Variants in ZNF595 observed in about 807,000 individuals in gnomAD.
ZNF595 encodes the protein zinc finger protein 595.
ZNF595 carries 9 observed loss-of-function variants against 19.4 expected under a neutral mutation model. The ratio of observed to expected loss-of-function variants is 0.46; its 90% CI spans 0.28 to 0.81. ZNF595 has a LOEUF of 0.81. Ranked by LOEUF, ZNF595 falls within the 30% of genes least tolerant of loss-of-function variation. ZNF595 has a pLI of 0.11. For missense variants in ZNF595, 729 were observed against 736.0 expected (o/e 0.99, Z 0.11); for synonymous variants, 255 against 255.9 (o/e 1.00, Z 0.03).
chr4:86,066 ACT>A lies in ZNF595; in HGVS notation c.564_565del (p.Gln189ThrfsTer14), dbSNP rs1560094280. The A allele has an allele frequency of 6.2e-7, 1 of 1,613,054 alleles. No homozygotes were observed. The highest frequency in any genetic ancestry group is 1.7e-5 in the Admixed American group (1 of 59,796). On this transcript the variant is annotated frameshift_variant, in exon 4 of 4. Coordinates refer to ENST00000610261, the MANE Select transcript of ZNF595 (RefSeq NM_182524.4). LOFTEE classifies it low-confidence loss of function (END_TRUNC). ...CAGATCGTTTTACATGTCACACCTAACTCAACATACAGGAATTCATGCTGGAG... is the reference window on the plus strand; with the variant it reads ...CAGATCGTTTTACATGTCACACCTAACAACATACAGGAATTCATGCTGGAG... Reference protein sequence around the residue: ...CGRSFYMSHLTQHTGIHAGEK... With the variant: ...CGRSFYMSHLXQHTGIHAGEK...
At chr4:72,258 A>T (rs1388336012) in intron 3 of ZNF595, among the ~76,000 whole-genome samples, 3 of 149,936 alleles carry the variant, frequency 2.0e-5, no homozygotes, top group South Asian at 2.1e-4. Context: ...TCTTATTTTC[A>T]TTTTTTTTTT....
intron 3 of ZNF595, among the ~76,000 whole-genome samples, chr4:71,959 C>T (rs1190216130): frequency 6.6e-6 from 1 of 151,802 alleles, no homozygotes; most frequent in African/African-American, 2.4e-5. Flanking sequence ...GTGCAGAGGC[C>T]CTTGGGAGGG....
intron 3 of ZNF595, among the ~76,000 whole-genome samples, chr4:70,761 G>T (rs1713394064): frequency 6.6e-6 from 1 of 152,142 alleles, no homozygotes. Flanking sequence ...TAGCTCTGTA[G>T]AATCATTTAT....
At chr4:64,626 C>T (rs1391717998) in intron 3 of ZNF595, among the ~76,000 whole-genome samples, 35 of 148,982 alleles carry the variant, frequency 2.3e-4, no homozygotes, top group Non-Finnish European at 4.3e-4. Context: ...AGCATTGTTT[C>T]ATTTAAAGAT....
chr4:69,010 C>T (rs1185544707), intron 3 of ZNF595, among the ~76,000 whole-genome samples: 1 of 152,158 alleles, frequency 6.6e-6, no homozygotes, highest in Non-Finnish European at 1.5e-5. Flanking sequence ...GCAAAGTTTG[C>T]CATCATGTGC....
intron 3 of ZNF595, among the ~76,000 whole-genome samples, chr4:66,821 CTG>C (rs1482560553): frequency 6.6e-6 from 1 of 152,180 alleles, no homozygotes; most frequent in Non-Finnish European, 1.5e-5. Flanking sequence ...AAGTACCACA[CTG>C]TTTTTATTTA....
chr4:69,011 C>T (rs1002492340), intron 3 of ZNF595, among the ~76,000 whole-genome samples: 1 of 152,180 alleles, frequency 6.6e-6, no homozygotes, highest in African/African-American at 2.4e-5. Context: ...CAAAGTTTGC[C>T]ATCATGTGCC....
At chr4:70,550 C>G (rs1445749950) in intron 3 of ZNF595, among the ~76,000 whole-genome samples, 1 of 152,128 alleles carries the variant, frequency 6.6e-6, no homozygotes, top group African/African-American at 2.4e-5. Context: ...GTTGGCCACT[C>G]TGGTCTCAAA....
chr4:61,411 C>A (rs1276944434), intron 3 of ZNF595, among the ~76,000 whole-genome samples: 1 of 152,202 alleles, frequency 6.6e-6, no homozygotes, highest in African/African-American at 2.4e-5. Context: ...GCTAGAATTA[C>A]AGGCCTGAGC....
chr4:82,372 G>GTTT lies in ZNF595; in HGVS notation c.227-3333_227-3331dup, dbSNP rs34932652. Among the ~76,000 whole-genome samples the GTTT allele has an allele frequency of 5.7e-4, 49 of 85,926 alleles. 3 individuals carry two copies. The highest frequency in any genetic ancestry group is 1.5e-3 in the African/African-American group (35 of 23,088). 56.4% of individuals were successfully genotyped at this position (85,926 alleles called of 152,430 possible). On this transcript the variant is annotated intron_variant, in intron 3 of 3. Coordinates refer to ENST00000610261, the MANE Select transcript of ZNF595 (RefSeq NM_182524.4). Reference sequence around the variant, plus strand: ...CAAAAGTCCATTTTTTTGGTTTGTGGTTTTTTTTTTTTTTTTTTTTTTTTT... The same window carrying GTTT: ...CAAAAGTCCATTTTTTTGGTTTGTGGTTTTTTTTTTTTTTTTTTTTTTTTTTTT...
chr4:82,233 T>G (rs1553800060), intron 3 of ZNF595, among the ~76,000 whole-genome samples: 1 of 152,148 alleles, frequency 6.6e-6, no homozygotes, highest in Non-Finnish European at 1.5e-5. Context: ...AAAATTTAAT[T>G]AAAAATGTGA....
chr4:55,065 T>G (rs1298418508), intron 1 of ZNF595, among the ~76,000 whole-genome samples: 320 of 147,540 alleles, frequency 2.2e-3, no homozygotes, highest in African/African-American at 8.0e-3. Flanking sequence ...TTTTTTTGTA[T>G]TTTTAGTAGA....
chr4:86,903 C>T lies in ZNF595; in HGVS notation c.1399C>T (p.Leu467=), dbSNP rs781855821. ...CAAAGCCTTTACACGGTCCACAACACTGAACGAACATAAGAAAATTCATAC... is the reference window on the plus strand; with the variant it reads ...CAAAGCCTTTACACGGTCCACAACATTGAACGAACATAAGAAAATTCATAC... The part of the protein sequence containing the change: ...CGKAFTRSTT[L]NEHKKIHTGE... Residue 467 remains leucine (L), a synonymous_variant, in exon 4 of 4, where the codon CTG becomes TTG. Coordinates refer to ENST00000610261, the MANE Select transcript of ZNF595 (RefSeq NM_182524.4). The T allele has an allele frequency of 3.1e-6, 5 of 1,610,688 alleles. No homozygotes were observed. Among genetic ancestry groups the T allele is most frequent in the Non-Finnish European group, 4.2e-6 (5 of 1,178,098 alleles).
intron 3 of ZNF595, among the ~76,000 whole-genome samples, chr4:78,362 A>C (rs1381311247): frequency 2.0e-5 from 3 of 152,090 alleles, no homozygotes; most frequent in Non-Finnish European, 2.9e-5. Context: ...ACCTTTTATG[A>C]CCCTGTGGTA....
rs368185097 is a variant in ZNF595 at position 87,110 on chromosome 4, T to A, written c.1606T>A (p.Tyr536Asn). Reference protein sequence around the residue: ...HRSIHSEQKLYKCEECGKAFT... With the variant: ...HRSIHSEQKLNKCEECGKAFT... ...GAGCATTCATTCTGAACAAAAACTTTACAAATGTGAAGAATGTGGCAAAGC... is the reference window on the plus strand; with the variant it reads ...GAGCATTCATTCTGAACAAAAACTTAACAAATGTGAAGAATGTGGCAAAGC... Residue 536 changes from tyrosine (Y) to asparagine (N), a missense_variant, in exon 4 of 4, where the codon TAC becomes AAC. Tyr to Asn is a moderately radical substitution (Grantham distance 143). This residue lies in a region of ZNF595 where 729 missense variants were observed against 675.3 expected (regional missense o/e 1.08). Coordinates refer to ENST00000610261, the MANE Select transcript of ZNF595 (RefSeq NM_182524.4). The A allele has an allele frequency of 8.1e-6, 13 of 1,613,866 alleles. No homozygotes were observed. In the African/African-American group the frequency reaches 1.6e-4, roughly 20 times the overall value.
intron 3 of ZNF595, among the ~76,000 whole-genome samples, chr4:80,913 A>G (rs141855440): frequency 6.0e-4 from 91 of 152,250 alleles, no homozygotes; most frequent in Non-Finnish European, 7.6e-4. Flanking sequence ...TGCTGCACCT[A>G]TCAACCCATC....
Position 86,575 on chromosome 4 carries a change from A to G in ZNF595, c.1071A>G (p.Ile357Met), listed in dbSNP as rs782754501. 193 of 1,613,682 alleles carry G rather than the reference A, an allele frequency of 1.2e-4. 1 individual carries two copies. Among genetic ancestry groups the G allele is most frequent in the Admixed American group, 1.8e-4 (11 of 59,978 alleles). Residue 357 changes from isoleucine (I) to methionine (M), a missense_variant, in exon 4 of 4, where the codon ATA becomes ATG. Transcript: ENST00000610261. ...TTAACCAATCCTCAAGTCTTATTATACACAGGAGCATTCATTCTGAACAAA... is the reference window on the plus strand; with the variant it reads ...TTAACCAATCCTCAAGTCTTATTATGCACAGGAGCATTCATTCTGAACAAA... ...KAFNQSSSLI[I>M]HRSIHSEQKL...
At chr4:59,013 GCC>G (rs1712733793) in intron 1 of ZNF595, among the ~76,000 whole-genome samples, 2 of 91,170 alleles carry the variant, frequency 2.2e-5, no homozygotes, top group African/African-American at 8.0e-5. Flanking sequence ...GTGACTCTCA[GCC>G]CAGTCTTCCA....
At chr4:78,877 G>C (rs1299783424) in intron 3 of ZNF595, among the ~76,000 whole-genome samples, 1 of 152,132 alleles carries the variant, frequency 6.6e-6, no homozygotes, top group Non-Finnish European at 1.5e-5. Context: ...ATTTTCAGTA[G>C]AGACATGGTT....
Sources: gnomAD v4.1 joint callset for allele counts (sites outside exome capture counted in the v4.1 genomes callset) on GRCh38, gnomAD v4.1.1 for gene constraint, gnomAD v4.1.1 regional missense constraint, MANE v1.5 for transcripts, NCBI Gene and HGNC (gene_info 2026-07-23, HGNC 2026-07-21) for gene names.